The following LUC7L2 variants were observed in gnomAD, a reference collection of about 807,000 sequenced individuals.
LUC7L2 encodes the protein putative RNA-binding protein Luc7-like 2.
A neutral mutation model predicts 52.8 loss-of-function variants in LUC7L2; 25 were observed. That is an observed-to-expected ratio of 0.47 (90% CI 0.34 to 0.66). The LOEUF is 0.66. Ranked by LOEUF, LUC7L2 falls within the 30% of genes least tolerant of loss-of-function variation. The probability of loss-of-function intolerance (pLI) is 0.01; values close to 1 mark genes in which losing one functional copy is unlikely to be tolerated. For synonymous variants in LUC7L2, 144 were observed against 160.9 expected (o/e 0.89, Z 0.80); for missense variants, 328 against 497.8 (o/e 0.66, Z 3.25).
chr7:139,415,573 C>CT (rs376954972), intron 8 of LUC7L2, among the ~76,000 whole-genome samples: 3,778 of 116,094 alleles, frequency 0.033, 182 homozygotes, highest in East Asian at 0.19. Context: ...GGAAATAACG[C>CT]TTTTTTTTTT....
intron 1 of LUC7L2, chr7:139,341,075 G>C (rs1206014757): frequency 7.5e-6 from 2 of 265,870 alleles, no homozygotes; most frequent in Non-Finnish European, 1.4e-5. Context: ...GAGACTCAGC[G>C]GTTGGTCGGC....
chr7:139,352,933 C>G (rs1799498588), intron 1 of LUC7L2, among the ~76,000 whole-genome samples: 2 of 152,202 alleles, frequency 1.3e-5, no homozygotes, highest in African/African-American at 4.8e-5. Flanking sequence ...CACGGTGGCT[C>G]ATGCTTGCAA....
At chr7:139,354,932 T>C (rs1367234847), upstream of LUC7L2, among the ~76,000 whole-genome samples, 1 of 152,108 alleles carries the variant, frequency 6.6e-6, no homozygotes, top group Non-Finnish European at 1.5e-5. Flanking sequence ...TCATGGCTGA[T>C]TGCAGTCTTG....
rs1569379328 is a variant in LUC7L2, at chr7:139,386,403, A to ATT, written c.156+10247_156+10248insTT. On this transcript the variant is annotated intron_variant, in intron 2 of 9. Coordinates refer to ENST00000354926, the MANE Select transcript of LUC7L2 (RefSeq NM_016019.5). Reference sequence around the variant, plus strand: ...GGAAATATTTTTCTCTGTCACTGGAAATTTTTTTTTTTTTTTTTTGAGATG... The same window carrying ATT: ...GGAAATATTTTTCTCTGTCACTGGAATTATTTTTTTTTTTTTTTTTTGAGATG... Among the ~76,000 whole-genome samples, 20 of 115,010 alleles carry ATT rather than the reference A, an allele frequency of 1.7e-4. 1 individual carries two copies. The highest frequency in any genetic ancestry group is 8.6e-4 in the African/African-American group (15 of 17,474). 75.5% of individuals were successfully genotyped at this position (115,010 alleles called of 152,430 possible).
upstream of LUC7L2, among the ~76,000 whole-genome samples, chr7:139,355,334 A>G (rs1013667779): frequency 6.6e-6 from 1 of 151,890 alleles, no homozygotes; most frequent in African/African-American, 2.4e-5. Context: ...CTTAGGGCTT[A>G]TATTATTTCT....
At chr7:139,352,587 A>C (rs956222162) in intron 1 of LUC7L2, among the ~76,000 whole-genome samples, 1 of 152,170 alleles carries the variant, frequency 6.6e-6, no homozygotes, top group African/African-American at 2.4e-5. Context: ...AAACCAATTA[A>C]CTAGTTCTTT....
chr7:139,419,722 T>A (rs1444566845), intron 9 of LUC7L2, among the ~76,000 whole-genome samples: 1 of 152,180 alleles, frequency 6.6e-6, no homozygotes, highest in Non-Finnish European at 1.5e-5. Flanking sequence ...GTTGATGAAG[T>A]TGTATAGGAA....
chr7:139,413,639 G>A (rs57129790), intron 8 of LUC7L2, among the ~76,000 whole-genome samples: 1,631 of 152,202 alleles, frequency 0.011, 33 homozygotes, highest in East Asian at 0.082. Context: ...TTAGCCGGGT[G>A]TGGTGGCAGG....
upstream of LUC7L2, among the ~76,000 whole-genome samples, chr7:139,358,595 A>G (rs1349801523): frequency 6.6e-6 from 1 of 152,210 alleles, no homozygotes; most frequent in African/African-American, 2.4e-5. Flanking sequence ...CTGTCTTCTT[A>G]AACATTTGGT....
chr7:139,413,709 T>G (rs898497677), intron 8 of LUC7L2, among the ~76,000 whole-genome samples: 2 of 151,904 alleles, frequency 1.3e-5, no homozygotes, highest in African/African-American at 4.8e-5. Flanking sequence ...ACCCAGGAGG[T>G]GGAGGTTACA....
chr7:139,415,205 T>C (rs1795541723), intron 8 of LUC7L2, among the ~76,000 whole-genome samples: 1 of 150,494 alleles, frequency 6.6e-6, no homozygotes, highest in Non-Finnish European at 1.5e-5. Context: ...AGTCACCATG[T>C]CCAGCAATAG....
chr7:139,344,238 A>G (rs1274680749), intron 1 of LUC7L2, among the ~76,000 whole-genome samples: 1 of 152,200 alleles, frequency 6.6e-6, no homozygotes, highest in Non-Finnish European at 1.5e-5. Flanking sequence ...AAATTGTAAG[A>G]GCGAGAATAG....
chr7:139,359,857 C>T (rs895877232), upstream of LUC7L2: 3 of 409,582 alleles, frequency 7.3e-6, no homozygotes. Flanking sequence ...GTTGGTGGAG[C>T]CCCCGCGGGA....
intron 1 of LUC7L2, chr7:139,375,044 G>A (rs1434382131): frequency 1.0e-6 from 1 of 983,546 alleles, no homozygotes; most frequent in African/African-American, 1.7e-5. Context: ...TAATATATCA[G>A]TTTAAGGCTA....
intron 2 of LUC7L2, among the ~76,000 whole-genome samples, chr7:139,382,778 T>C (rs549764345): frequency 3.9e-5 from 6 of 152,392 alleles, no homozygotes; most frequent in African/African-American, 1.4e-4. Flanking sequence ...CTGAATTTTA[T>C]GTTGCCCCAG....
At chr7:139,410,238 T>C (rs1041866408) in intron 7 of LUC7L2, among the ~76,000 whole-genome samples, 1 of 152,132 alleles carries the variant, frequency 6.6e-6, no homozygotes, top group Non-Finnish European at 1.5e-5. Context: ...CAAAATCCTT[T>C]TCTAGCCCTT....
intron 3 of LUC7L2, among the ~76,000 whole-genome samples, chr7:139,400,466 C>T (rs780825795): frequency 1.3e-5 from 2 of 152,168 alleles, no homozygotes; most frequent in Non-Finnish European, 2.9e-5. Context: ...TAGATCATGC[C>T]ACTGTGCTCC....
chr7:139,395,248 T>G (rs1794608810), intron 2 of LUC7L2, among the ~76,000 whole-genome samples: 1 of 152,248 alleles, frequency 6.6e-6, no homozygotes, highest in Non-Finnish European at 1.5e-5. Context: ...GCCATTAGCT[T>G]CTTTCATTCC....
intron 2 of LUC7L2, among the ~76,000 whole-genome samples, chr7:139,380,656 T>A (rs1338015892): frequency 3.3e-5 from 5 of 152,176 alleles, no homozygotes; most frequent in African/African-American, 4.8e-5. Context: ...CTAGAATATA[T>A]TCATATTGTA....
Sources: allele counts gnomAD v4.1 joint callset (sites outside exome capture counted in the v4.1 genomes callset), GRCh38; gene constraint gnomAD v4.1.1; transcripts MANE v1.5; gene names NCBI Gene and HGNC (gene_info 2026-07-23, HGNC 2026-07-21).